The following UBXN7 variants were observed in gnomAD, a reference collection of about 807,000 sequenced individuals.
UBXN7 encodes UBX domain protein 7, also known as UBX domain-containing protein 7.
Under a neutral mutation model 58.0 loss-of-function variants are expected in UBXN7, and 9 were observed. That is an observed-to-expected ratio of 0.16 (90% CI 0.09 to 0.27). The LOEUF is 0.27. Ranked by LOEUF, UBXN7 falls within the 10% of genes least tolerant of loss-of-function variation. The probability of loss-of-function intolerance (pLI) is 1.00; values close to 1 mark genes in which losing one functional copy is unlikely to be tolerated. For synonymous variants in UBXN7, 208 were observed against 205.0 expected, an observed-to-expected ratio of 1.01 and a Z score of -0.12; for missense variants, 328 against 599.6, an observed-to-expected ratio of 0.55 and a Z score of 4.73.
chr3:196,389,213 T>C (rs200435473), intron 5 of UBXN7, among the ~76,000 whole-genome samples: 1 of 152,176 alleles, frequency 6.6e-6, no homozygotes, highest in Admixed American at 6.6e-5. Flanking sequence ...TCAATGGCTG[T>C]AGTATCACCA....
At chr3:196,360,793 G>T (rs1381672777) in intron 10 of UBXN7, among the ~76,000 whole-genome samples, 1 of 152,142 alleles carries the variant, frequency 6.6e-6, no homozygotes, top group East Asian at 1.9e-4. Flanking sequence ...GGAGGCTGCG[G>T]TGAGAGGATT....
At position 196,355,806 on chromosome 3, in the gene UBXN7, C is replaced by G. The variant is rs1449315117; in HGVS notation, c.*879G>C. On this transcript the variant is annotated 3_prime_UTR_variant, in exon 11 of 11. Coordinates refer to ENST00000296328, the MANE Select transcript of UBXN7 (RefSeq NM_015562.2). ...ACATGATTATTGACCAGCTGCCTTC[C>G]TACAGATCACTGCAGACTCAGACAA... 1 of 152,180 alleles carries G rather than the reference C, an allele frequency of 6.6e-6. No homozygotes were observed. The allele number at this position is 152,180 out of a possible 1,614,324, so 9.4% of individuals were successfully genotyped here. A position where few individuals can be genotyped will look rare whatever the true frequency, so the allele number is the denominator to read the frequency against.
chr3:196,380,646 A>G (rs918580429), intron 5 of UBXN7, among the ~76,000 whole-genome samples: 1 of 152,260 alleles, frequency 6.6e-6, no homozygotes, highest in African/African-American at 2.4e-5. Context: ...GGTGCAGCCC[A>G]CGGAGGGCGA....
intron 5 of UBXN7, among the ~76,000 whole-genome samples, chr3:196,384,647 T>C (rs1476862349): frequency 6.6e-6 from 1 of 152,136 alleles, no homozygotes; most frequent in African/African-American, 2.4e-5. Context: ...TGGTTCAACA[T>C]ATGCAAATCA....
At chr3:196,375,865 C>T (rs1490820530) in intron 5 of UBXN7, among the ~76,000 whole-genome samples, 1 of 152,130 alleles carries the variant, frequency 6.6e-6, no homozygotes, top group Non-Finnish European at 1.5e-5. Context: ...CCCATCTCTA[C>T]TAACGATACT....
intron 5 of UBXN7, among the ~76,000 whole-genome samples, chr3:196,389,603 T>A (rs1316509229): frequency 6.6e-6 from 1 of 152,240 alleles, no homozygotes; most frequent in Non-Finnish European, 1.5e-5. Flanking sequence ...GACCCCTTGC[T>A]CCTCGCACCA....
At chr3:196,419,438 AAT>A (rs1350824119) in intron 1 of UBXN7, among the ~76,000 whole-genome samples, 2 of 152,216 alleles carry the variant, frequency 1.3e-5, no homozygotes, top group Non-Finnish European at 2.9e-5. Context: ...GCACATGCTA[AAT>A]CTTGGTTAAG....
At chr3:196,432,119 G>A in intron 1 of UBXN7, 1 of 707,472 alleles carries the variant, frequency 1.4e-6, no homozygotes, top group Non-Finnish European at 2.5e-6. Context: ...CTAGGAGACA[G>A]AGAACGAGGG....
intron 10 of UBXN7, among the ~76,000 whole-genome samples, chr3:196,357,191 G>A (rs908637653): frequency 1.3e-5 from 2 of 152,138 alleles, no homozygotes; most frequent in African/African-American, 4.8e-5. Flanking sequence ...TATCAAGGAA[G>A]ATATGTCCTT....
intron 5 of UBXN7, among the ~76,000 whole-genome samples, chr3:196,383,795 A>C (rs1729289205): frequency 6.6e-6 from 1 of 152,208 alleles, no homozygotes; most frequent in African/African-American, 2.4e-5. Context: ...GACACACTTA[A>C]AGCAGTGTGT....
chr3:196,402,028 T>C (rs780368808), intron 3 of UBXN7, among the ~76,000 whole-genome samples: 9 of 152,120 alleles, frequency 5.9e-5, no homozygotes, highest in Non-Finnish European at 1.3e-4. Flanking sequence ...ATTGTATTTA[T>C]TTATTTATTT....
chr3:196,360,402 G>A (rs1310636666), intron 10 of UBXN7, among the ~76,000 whole-genome samples: 2 of 152,222 alleles, frequency 1.3e-5, no homozygotes, highest in Non-Finnish European at 2.9e-5. Context: ...GTGACTTCCA[G>A]TTGAAGCCAA....
At chr3:196,371,053 T>C (rs1728818991) in intron 6 of UBXN7, among the ~76,000 whole-genome samples, 1 of 152,090 alleles carries the variant, frequency 6.6e-6, no homozygotes. Flanking sequence ...ACAAGGTCTG[T>C]AACCTTATCT....
chr3:196,377,670 CT>C (rs908384496), intron 5 of UBXN7, among the ~76,000 whole-genome samples: 5 of 151,096 alleles, frequency 3.3e-5, no homozygotes, highest in African/African-American at 9.7e-5. Context: ...TTTTATTCTC[CT>C]TTTTTTTTCT....
intron 2 of UBXN7, among the ~76,000 whole-genome samples, chr3:196,404,547 C>A (rs1730100344): frequency 7.3e-6 from 1 of 137,348 alleles, no homozygotes; most frequent in South Asian, 2.1e-4. Flanking sequence ...CAGGCGTGAG[C>A]CACCGCGCCC....
At chr3:196,386,115 C>T (rs1373460498) in intron 5 of UBXN7, among the ~76,000 whole-genome samples, 1 of 151,972 alleles carries the variant, frequency 6.6e-6, no homozygotes, top group Non-Finnish European at 1.5e-5. Flanking sequence ...GCTGTGTCCA[C>T]TAAGGGTTAA....
intron 1 of UBXN7, among the ~76,000 whole-genome samples, chr3:196,410,436 T>C (rs1006330537): frequency 1.3e-5 from 2 of 152,206 alleles, no homozygotes; most frequent in Admixed American, 6.5e-5. Context: ...ATTACTTCAA[T>C]AGGCTACTAA....
chr3:196,429,221 G>C (rs1730944637), intron 1 of UBXN7, among the ~76,000 whole-genome samples: 1 of 151,958 alleles, frequency 6.6e-6, no homozygotes, highest in African/African-American at 2.4e-5. Flanking sequence ...CAGCTACTTG[G>C]GAGGCTGAGG....
chr3:196,371,775 C>A, intron 6 of UBXN7, 121 bp downstream of exon 6: 2 of 1,282,432 alleles, frequency 1.6e-6, no homozygotes. Flanking sequence ...GAGCTACTGC[C>A]CCCAGCCGGC....
Sources: allele counts gnomAD v4.1 joint callset (sites outside exome capture counted in the v4.1 genomes callset), GRCh38; gene constraint gnomAD v4.1.1; transcripts MANE v1.5; gene names NCBI Gene and HGNC (gene_info 2026-07-23, HGNC 2026-07-21).